MYO16: variants seen among roughly 807,000 people sequenced by gnomAD.
MYO16 encodes the protein myosin XVI, also known as unconventional myosin-XVI.
In MYO16, 94 loss-of-function variants were observed where a neutral mutation model predicts 205.3. That is an observed-to-expected ratio of 0.46 (90% CI 0.39 to 0.54). The LOEUF (loss-of-function observed/expected upper bound fraction) is 0.54. MYO16 is among the 20% of genes least tolerant of loss of function. MYO16 has a pLI of 0.00. For missense variants in MYO16, 2,315 were observed against 2,387.5 expected (o/e 0.97, Z 0.63); for synonymous variants, 988 against 954.0 (o/e 1.04, Z -0.66).
At chr13:108,558,097 A>C in the MYO16 span, among the ~76,000 whole-genome samples, 1 of 152,222 alleles carries the variant, frequency 6.6e-6, no homozygotes, top group South Asian at 2.1e-4. Context: ...TTACAGTAAA[A>C]TGAAAAACAA....
At chr13:108,670,973 A>T (rs1003293930) in intron 2 of MYO16, among the ~76,000 whole-genome samples, 1 of 152,224 alleles carries the variant, frequency 6.6e-6, no homozygotes, top group Admixed American at 6.5e-5. Flanking sequence ...TGTATTATGT[A>T]TAGCAGTTTG....
Position 108,909,721 on chromosome 13 carries a change from C to T in MYO16, c.1778-282C>T, listed in dbSNP as rs138104780. On this transcript the variant is annotated intron_variant, in intron 15 of 34. Transcript: ENST00000457511. Reference sequence around the variant, plus strand: ...GAAAATTCCAAAGCTTATTTCAAAGCCTTTGTTACAGACAAGAGCAAATCT... The same window carrying T: ...GAAAATTCCAAAGCTTATTTCAAAGTCTTTGTTACAGACAAGAGCAAATCT... 7.2e-4 allele frequency among the ~76,000 whole-genome samples: 110 copies of T among 152,082 alleles called. 2 individuals carry two copies. The highest frequency in any genetic ancestry group is 2.5e-3 in the African/African-American group (103 of 41,490).
intron 32 of MYO16, among the ~76,000 whole-genome samples, chr13:109,145,734 A>G: frequency 6.6e-6 from 1 of 152,344 alleles, no homozygotes; most frequent in East Asian, 1.9e-4. Flanking sequence ...TGGCTCCTTT[A>G]GGCCACTAGG....
At chr13:108,525,154 C>T in the MYO16 span, among the ~76,000 whole-genome samples, 26,506 of 152,084 alleles carry the variant, frequency 0.17, 2,565 homozygotes, top group East Asian at 0.38. Context: ...TAGGACACCA[C>T]GAGATAACGT....
chr13:108,568,352 A>G, the MYO16 span, among the ~76,000 whole-genome samples: 1 of 152,124 alleles, frequency 6.6e-6, no homozygotes, highest in Non-Finnish European at 1.5e-5. Flanking sequence ...TATCTTCATT[A>G]ACACTTATAA....
chr13:109,140,557 C>T lies in MYO16; in HGVS notation c.4345C>T (p.Pro1449Ser). The T allele has an allele frequency of 6.5e-7, 1 of 1,540,564 alleles. No individual in the cohort carries two copies. Among genetic ancestry groups the T allele is most frequent in the Non-Finnish European group, 8.7e-7 (1 of 1,150,520 alleles). Residue 1449 changes from proline (P) to serine (S), a missense_variant, in exon 32 of 35, where the codon CCC (proline) becomes TCC (serine). Pro to Ser is a moderately conservative substitution (Grantham distance 74). Coordinates refer to ENST00000457511, the MANE Select transcript of MYO16 (RefSeq NM_001198950.3). This position sits in a 1 kb window ranked among gnomAD's most constrained non-coding sequence, Gnocchi z 8.0. ...CGCGGCCAGGCCCGATAGCCCGGACCCCGGGGAGTCCGTGTACGAGGAGAT... is the reference window on the plus strand; with the variant it reads ...CGCGGCCAGGCCCGATAGCCCGGACTCCGGGGAGTCCGTGTACGAGGAGAT... Reference protein sequence around the residue: ...GHAARPDSPDPGESVYEEMKC... With the variant: ...GHAARPDSPDSGESVYEEMKC...
chr13:109,171,054 C>T (rs1156538205), intron 33 of MYO16, among the ~76,000 whole-genome samples: 4 of 152,170 alleles, frequency 2.6e-5, no homozygotes, highest in South Asian at 2.1e-4. Flanking sequence ...CTCTTGTGAG[C>T]GCCATGAATT....
chr13:108,600,186 G>A (rs748342798), intron 1 of MYO16, among the ~76,000 whole-genome samples: 1 of 152,180 alleles, frequency 6.6e-6, no homozygotes, highest in African/African-American at 2.4e-5. Flanking sequence ...GAGTGTAAGG[G>A]TAGGGGGAAA....
At chr13:108,648,718 A>C (rs1399554847) in intron 1 of MYO16, among the ~76,000 whole-genome samples, 1 of 152,140 alleles carries the variant, frequency 6.6e-6, no homozygotes, top group Admixed American at 6.5e-5. Flanking sequence ...ATGGATTTTT[A>C]TATTACACGA....
chr13:108,957,636 G>T, intron 16 of MYO16, 52 bp from the exon 17 acceptor site: 5 of 1,291,058 alleles, frequency 3.9e-6, no homozygotes, highest in Non-Finnish European at 5.6e-6. Flanking sequence ...TTTAACCACA[G>T]AAGTCTGACC....
At chr13:109,130,848 C>T (rs1425726349) in intron 31 of MYO16, among the ~76,000 whole-genome samples, 1 of 152,134 alleles carries the variant, frequency 6.6e-6, no homozygotes, top group Non-Finnish European at 1.5e-5. Context: ...CACACGTAGC[C>T]AATTAAGTTT....
intron 21 of MYO16, among the ~76,000 whole-genome samples, chr13:109,002,406 G>T (rs1367894703): frequency 6.6e-6 from 1 of 152,208 alleles, no homozygotes; most frequent in African/African-American, 2.4e-5. Context: ...GAGCCATCTG[G>T]ATAAGCAATA....
rs988417564 is a variant in MYO16 at position 108,898,274 on chromosome 13, A to G, written c.1777+141A>G. The G allele has an allele frequency of 4.4e-6, 3 of 682,386 alleles. No individual in the cohort carries two copies. The Admixed American group carries it at 7.5e-5, about 17-fold the overall frequency. The allele number at this position is 682,386 out of a possible 1,614,324, so 42.3% of individuals were successfully genotyped here. A position where few individuals can be genotyped will look rare whatever the true frequency, so the allele number is the denominator to read the frequency against. ...ATTCTTCATGACCGTGTCTGGAAAC[A>G]GCTTAAGATACTTCTGGAAAGTTTG... On this transcript the variant is annotated intron_variant, in intron 15 of 34. Transcript: ENST00000457511.
intron 1 of MYO16, among the ~76,000 whole-genome samples, chr13:108,650,508 A>G (rs1489660254): frequency 6.6e-6 from 1 of 152,190 alleles, no homozygotes; most frequent in Admixed American, 6.5e-5. Flanking sequence ...GGAATTGAAG[A>G]TGTTGATCAA....
At chr13:108,985,940 T>C (rs1456642602) in intron 20 of MYO16, among the ~76,000 whole-genome samples, 1 of 152,154 alleles carries the variant, frequency 6.6e-6, no homozygotes, top group African/African-American at 2.4e-5. Context: ...CGAGACTGGG[T>C]AATTTATTAA....
At chr13:108,668,779 A>G (rs1361051784) in intron 2 of MYO16, among the ~76,000 whole-genome samples, 1 of 152,096 alleles carries the variant, frequency 6.6e-6, no homozygotes, top group East Asian at 1.9e-4. Context: ...ATGCAGGTTC[A>G]TCTCCTGTTC....
chr13:108,750,939 G>C (rs1170817935), intron 4 of MYO16, among the ~76,000 whole-genome samples: 1 of 152,192 alleles, frequency 6.6e-6, no homozygotes, highest in Non-Finnish European at 1.5e-5. Context: ...GGAGGCTAGA[G>C]TGACTCATGC....
rs1425042090 is a variant in MYO16, at chr13:108,666,083, C to T, written c.226C>T (p.Pro76Ser). The change falls in exon 2 of 35, where the codon CCG becomes TCG. Residue 76 changes from proline to serine, a missense_variant. Coordinates refer to ENST00000457511, the MANE Select transcript of MYO16 (RefSeq NM_001198950.3). Reference protein sequence around the residue: ...FLKRLKHAKNPKVHFNLTDML... With the variant: ...FLKRLKHAKNSKVHFNLTDML... ...GAAAAGGCTGAAGCATGCGAAGAAT[C>T]CGAAAGTTCACTTCAACCTCACGGA... is the stretch of plus-strand genomic sequence containing the variant. The T allele has an allele frequency of 1.2e-6, 2 of 1,614,064 alleles. No individual in the cohort carries two copies.
At chr13:108,731,213 T>C (rs542700009) in intron 4 of MYO16, among the ~76,000 whole-genome samples, 2 of 152,350 alleles carry the variant, frequency 1.3e-5, no homozygotes, top group East Asian at 3.9e-4. Context: ...AGTTAGCACA[T>C]GCATGCATTG....
Sources: gnomAD v4.1 joint callset for allele counts (sites outside exome capture counted in the v4.1 genomes callset) on GRCh38, gnomAD v4.1.1 for gene constraint, Gnocchi (gnomAD v3.1) non-coding constraint, MANE v1.5 for transcripts, NCBI Gene and HGNC (gene_info 2026-07-23, HGNC 2026-07-21) for gene names.